PHACTR3: variants seen among roughly 807,000 people sequenced by gnomAD.
The protein encoded by PHACTR3 is protein phosphatase 1, regulatory subunit 123.
PHACTR3 carries 16 observed loss-of-function variants against 66.8 expected under a neutral mutation model. The ratio of observed to expected loss-of-function variants is 0.24; its 90% CI spans 0.16 to 0.36. The LOEUF is 0.36. Ranked by LOEUF, PHACTR3 falls within the 10% of genes least tolerant of loss-of-function variation. The pLI is 1.00. For synonymous variants in PHACTR3, 323 were observed against 292.1 expected, an observed-to-expected ratio of 1.11 and a Z score of -1.08; for missense variants, 647 against 719.9, an observed-to-expected ratio of 0.90 and a Z score of 1.16.
At chr20:59,638,470 GTGGA>G (rs538406401) in intron 1 of PHACTR3, among the ~76,000 whole-genome samples, 11 of 149,750 alleles carry the variant, frequency 7.3e-5, no homozygotes, top group African/African-American at 1.5e-4. Flanking sequence ...AGGTAGATGG[GTGGA>G]TGGATGGATG....
intron 1 of PHACTR3, among the ~76,000 whole-genome samples, chr20:59,669,091 T>C (rs2146499895): frequency 6.6e-6 from 1 of 152,214 alleles, no homozygotes; most frequent in South Asian, 2.1e-4. Context: ...CTTCAGATGC[T>C]GCCTCTGCCA....
chr20:59,772,887 C>A (rs2040404043), intron 5 of PHACTR3, among the ~76,000 whole-genome samples: 1 of 152,188 alleles, frequency 6.6e-6, no homozygotes, highest in African/African-American at 2.4e-5. Context: ...CAGAGCGGAC[C>A]ATGGTGCTCA....
At chr20:59,777,224 G>C (rs1235961305) in intron 7 of PHACTR3, among the ~76,000 whole-genome samples, 1 of 152,076 alleles carries the variant, frequency 6.6e-6, no homozygotes, top group East Asian at 1.9e-4. Context: ...GGGCCCATCT[G>C]GATAATCCTG....
chr20:59,593,421 T>G (rs1455144305), intron 1 of PHACTR3, among the ~76,000 whole-genome samples: 3 of 152,180 alleles, frequency 2.0e-5, no homozygotes, highest in African/African-American at 4.8e-5. Flanking sequence ...TTAGGTGTCT[T>G]TTACAAATAT....
chr20:59,651,860 GGTAGGTAGGTA>G (rs2035470820), intron 1 of PHACTR3, among the ~76,000 whole-genome samples: 1 of 151,982 alleles, frequency 6.6e-6, no homozygotes, highest in South Asian at 2.1e-4. Flanking sequence ...TAGGTAGGTA[GGTAGGTAGGTA>G]GGTAGGTAGA....
intron 7 of PHACTR3, among the ~76,000 whole-genome samples, chr20:59,794,724 TG>T (rs1459251990): frequency 6.6e-6 from 1 of 152,186 alleles, no homozygotes. Context: ...TACTCATTAT[TG>T]GTCTGTTCTG....
At chr20:59,678,058 C>T (rs563671838) in intron 1 of PHACTR3, among the ~76,000 whole-genome samples, 9 of 152,334 alleles carry the variant, frequency 5.9e-5, no homozygotes, top group African/African-American at 2.2e-4. Flanking sequence ...AAAATGCGCT[C>T]TTTCTTCCCC....
chr20:59,591,131 G>T (rs543634041), intron 1 of PHACTR3, among the ~76,000 whole-genome samples: 1 of 152,174 alleles, frequency 6.6e-6, no homozygotes, highest in Non-Finnish European at 1.5e-5. Flanking sequence ...ATATTCTAGC[G>T]CATGGTGCAG....
intron 8 of PHACTR3, among the ~76,000 whole-genome samples, chr20:59,817,841 T>C (rs1383739618): frequency 6.6e-6 from 1 of 152,220 alleles, no homozygotes; most frequent in Non-Finnish European, 1.5e-5. Context: ...GAAAACATAT[T>C]TGTGGACCAG....
At chr20:59,671,840 A>C (rs753072312) in intron 1 of PHACTR3, among the ~76,000 whole-genome samples, 7 of 152,228 alleles carry the variant, frequency 4.6e-5, no homozygotes, top group Non-Finnish European at 4.4e-5. Context: ...CAAGTCCTTG[A>C]CTACCCACGT....
chr20:59,718,735 C>T (rs948292966), intron 1 of PHACTR3, among the ~76,000 whole-genome samples: 3 of 152,150 alleles, frequency 2.0e-5, no homozygotes, highest in Admixed American at 6.5e-5. Context: ...CAATCTAATG[C>T]GAGTTAAATT....
intron 1 of PHACTR3, among the ~76,000 whole-genome samples, chr20:59,636,890 A>G (rs1181084764): frequency 6.6e-6 from 1 of 152,366 alleles, no homozygotes; most frequent in East Asian, 1.9e-4. Flanking sequence ...GTTACAGTGT[A>G]GGTATTTCTA....
chr20:59,717,469 T>C (rs566539034), intron 1 of PHACTR3, among the ~76,000 whole-genome samples: 89 of 152,352 alleles, frequency 5.8e-4, no homozygotes, highest in African/African-American at 2.1e-3. Context: ...AGCACTGTGC[T>C]GAGTGCTTTA....
intron 1 of PHACTR3, among the ~76,000 whole-genome samples, chr20:59,670,205 G>A (rs192782924): frequency 6.7e-4 from 102 of 152,310 alleles, no homozygotes; most frequent in Middle Eastern, 3.4e-3. Context: ...CGGTGATGAC[G>A]AATGTGGTGG....
intron 1 of PHACTR3, among the ~76,000 whole-genome samples, chr20:59,639,139 T>A (rs561808075): frequency 6.6e-6 from 1 of 150,630 alleles, no homozygotes; most frequent in Non-Finnish European, 1.5e-5. Flanking sequence ...TAGGTAGATA[T>A]ATGAGTGGGT....
intron 4 of PHACTR3, among the ~76,000 whole-genome samples, chr20:59,761,307 C>G (rs992148258): frequency 6.6e-6 from 1 of 152,112 alleles, no homozygotes; most frequent in Non-Finnish European, 1.5e-5. Context: ...CCAGCTACCC[C>G]TGGGGCCTGG....
intron 1 of PHACTR3, among the ~76,000 whole-genome samples, chr20:59,579,676 G>A (rs996647610): frequency 2.4e-4 from 36 of 152,344 alleles, no homozygotes; most frequent in East Asian, 1.9e-4. Flanking sequence ...CCTCATGGCT[G>A]CTGTGTGGCC....
At chr20:59,835,075 A>G (rs1188937590) in intron 8 of PHACTR3, among the ~76,000 whole-genome samples, 1 of 152,238 alleles carries the variant, frequency 6.6e-6, no homozygotes, top group Non-Finnish European at 1.5e-5. Flanking sequence ...TCCCAAGGGC[A>G]GGGAAGACTT....
intron 1 of PHACTR3, among the ~76,000 whole-genome samples, chr20:59,608,790 G>C (rs1217155632): frequency 2.6e-5 from 4 of 152,222 alleles, no homozygotes; most frequent in Admixed American, 2.0e-4. Flanking sequence ...CTTCAGACCT[G>C]TTCCCCACCC....
Sources: gnomAD v4.1 joint callset for allele counts (sites outside exome capture counted in the v4.1 genomes callset) on GRCh38, gnomAD v4.1.1 for gene constraint, MANE v1.5 for transcripts, NCBI Gene and HGNC (gene_info 2026-07-23, HGNC 2026-07-21) for gene names.